The following SLC36A1 variants were observed in gnomAD, a reference collection of about 807,000 sequenced individuals.
The protein encoded by SLC36A1 is proton-coupled amino acid transporter 1.
Under a neutral mutation model 47.5 loss-of-function variants are expected in SLC36A1, and 30 were observed. The ratio of observed to expected loss-of-function variants is 0.63; its 90% CI spans 0.47 to 0.86. The LOEUF is 0.86. Among genes scored for constraint, SLC36A1 ranks in the 40% least tolerant of loss-of-function variants. SLC36A1 has a pLI of 0.00. For synonymous variants in SLC36A1, 255 were observed against 249.7 expected, an observed-to-expected ratio of 1.02 and a Z score of -0.20; for missense variants, 517 against 606.0, an observed-to-expected ratio of 0.85 and a Z score of 1.54.
the SLC36A1 span, among the ~76,000 whole-genome samples, chr5:151,407,930 A>T: frequency 6.6e-6 from 1 of 152,244 alleles, no homozygotes; most frequent in Non-Finnish European, 1.5e-5. Flanking sequence ...ATAAGATAAT[A>T]TAAGCAGTGA....
intron 7 of SLC36A1, among the ~76,000 whole-genome samples, chr5:151,468,478 A>G (rs1316050919): frequency 2.0e-5 from 3 of 148,808 alleles, no homozygotes; most frequent in Non-Finnish European, 4.5e-5. Context: ...GAATGTAAAT[A>G]GTTATATGTT....
chr5:151,380,550 G>C, the SLC36A1 span: 1 of 536,836 alleles, frequency 1.9e-6, no homozygotes, highest in South Asian at 1.4e-5. Context: ...TCCTAGACAA[G>C]TTAATAAAGA....
chr5:151,351,729 A>G, the SLC36A1 span, among the ~76,000 whole-genome samples: 6 of 152,118 alleles, frequency 3.9e-5, no homozygotes, highest in African/African-American at 1.2e-4. Context: ...ATTCAGAGCA[A>G]TCCTTCATCC....
chr5:151,507,297 G>A, the SLC36A1 span: 1 of 1,614,166 alleles, frequency 6.2e-7, no homozygotes, highest in Non-Finnish European at 8.5e-7. Context: ...GAGTTCATTT[G>A]GAACAGAGGC....
chr5:151,441,387 G>A (rs1752621960), intron 1 of SLC36A1, among the ~76,000 whole-genome samples: 1 of 152,184 alleles, frequency 6.6e-6, no homozygotes. Flanking sequence ...TTTAATGTAT[G>A]TTAATATACA....
At chr5:151,517,825 C>A in the SLC36A1 span, 1 of 1,582,036 alleles carries the variant, frequency 6.3e-7, no homozygotes, top group Non-Finnish European at 8.6e-7. Flanking sequence ...AGCCCTTGGA[C>A]TGACTTTGTC....
chr5:151,528,499 G>A, the SLC36A1 span, among the ~76,000 whole-genome samples: 2 of 152,196 alleles, frequency 1.3e-5, no homozygotes, highest in Admixed American at 6.5e-5. Flanking sequence ...TTACACTGGG[G>A]AGATTAGAAA....
At chr5:151,437,014 A>G (rs1759807088), upstream of SLC36A1, 1 of 152,090 alleles carries the variant, frequency 6.6e-6, no homozygotes, top group African/African-American at 2.4e-5. Flanking sequence ...AGGTCTGCCC[A>G]CCCTACAGAT....
the SLC36A1 span, chr5:151,543,288 A>G: frequency 8.1e-6 from 13 of 1,614,040 alleles, no homozygotes; most frequent in African/African-American, 1.3e-5. Flanking sequence ...TCTGACCTTC[A>G]TCTGCATCAT....
At chr5:151,500,921 G>A in the SLC36A1 span, among the ~76,000 whole-genome samples, 2 of 152,202 alleles carry the variant, frequency 1.3e-5, no homozygotes, top group East Asian at 1.9e-4. Context: ...TGGCTAATCT[G>A]TGAAGGCGCA....
chr5:151,416,677 G>C, the SLC36A1 span, among the ~76,000 whole-genome samples: 1 of 152,178 alleles, frequency 6.6e-6, no homozygotes, highest in Non-Finnish European at 1.5e-5. Flanking sequence ...TCCCCTGGCT[G>C]CGGAGATAGG....
the SLC36A1 span, among the ~76,000 whole-genome samples, chr5:151,538,162 T>C: frequency 6.6e-6 from 1 of 151,838 alleles, no homozygotes; most frequent in Non-Finnish European, 1.5e-5. Flanking sequence ...AGATGAAACA[T>C]GCAAGGAAAA....
At chr5:151,384,502 T>C in the SLC36A1 span, among the ~76,000 whole-genome samples, 22 of 152,302 alleles carry the variant, frequency 1.4e-4, no homozygotes, top group African/African-American at 4.8e-4. Context: ...TAATCTGCAG[T>C]TTACAATGCA....
the SLC36A1 span, among the ~76,000 whole-genome samples, chr5:151,429,192 AT>A: frequency 1.3e-5 from 2 of 151,522 alleles, no homozygotes; most frequent in African/African-American, 4.9e-5. Context: ...TTATTTTTTT[AT>A]TTTTATTTTT....
the SLC36A1 span, chr5:151,347,262 A>C: frequency 6.2e-7 from 1 of 1,613,694 alleles, no homozygotes; most frequent in South Asian, 1.1e-5. Context: ...TCAGGCTAGA[A>C]AGCAGAAATA....
At chr5:151,484,412 G>A (rs528497038) in intron 10 of SLC36A1, among the ~76,000 whole-genome samples, 1 of 152,332 alleles carries the variant, frequency 6.6e-6, no homozygotes, top group Admixed American at 6.5e-5. Flanking sequence ...CAAGCCATGT[G>A]TTCGAGGCTT....
the SLC36A1 span, among the ~76,000 whole-genome samples, chr5:151,371,632 C>A: frequency 6.6e-6 from 1 of 152,024 alleles, no homozygotes; most frequent in African/African-American, 2.4e-5. Flanking sequence ...TTATCAACTC[C>A]CACTATCAAC....
the SLC36A1 span, among the ~76,000 whole-genome samples, chr5:151,500,959 G>A: frequency 6.6e-6 from 1 of 152,332 alleles, no homozygotes; most frequent in Middle Eastern, 3.4e-3. Context: ...AGAAGGCGGG[G>A]CCTGGTGGGG....
chr5:151,399,084 A>ATATATATATAT, the SLC36A1 span, among the ~76,000 whole-genome samples: 117 of 60,038 alleles, frequency 1.9e-3, 2 homozygotes, highest in African/African-American at 5.9e-3. Flanking sequence ...ATATATATAT[A>ATATATATATAT]TTTTTTTTTT....
Sources: allele counts gnomAD v4.1 joint callset (sites outside exome capture counted in the v4.1 genomes callset), GRCh38; gene constraint gnomAD v4.1.1; transcripts MANE v1.5; gene names NCBI Gene and HGNC (gene_info 2026-07-23, HGNC 2026-07-21).